Variants in ZFYVE9 observed in about 807,000 individuals in gnomAD.
The protein encoded by ZFYVE9 is zinc finger FYVE-type containing 9, also known as zinc finger FYVE domain-containing protein 9.
ZFYVE9 carries 43 observed loss-of-function variants against 126.7 expected under a neutral mutation model. The observed-to-expected ratio is 0.34, with a 90% CI of 0.27 to 0.44. The LOEUF (loss-of-function observed/expected upper bound fraction) is 0.44, where lower values mean the gene tolerates loss of function less well. Ranked by LOEUF, ZFYVE9 falls within the 20% of genes least tolerant of loss-of-function variation. The pLI, the probability that ZFYVE9 is intolerant of heterozygous loss-of-function variation, is 1.00. For synonymous variants in ZFYVE9, 521 were observed against 597.4 expected, an observed-to-expected ratio of 0.87 and a Z score of 1.87; for missense variants, 1,476 against 1,697.0, an observed-to-expected ratio of 0.87 and a Z score of 2.29.
chr1:52,314,543 T>A (rs1427821257), intron 13 of ZFYVE9, among the ~76,000 whole-genome samples: 1 of 152,064 alleles, frequency 6.6e-6, no homozygotes, highest in African/African-American at 2.4e-5. Context: ...GTACGCCAGG[T>A]GCTGTGGCTC....
intron 7 of ZFYVE9, among the ~76,000 whole-genome samples, chr1:52,268,852 C>T (rs781310805): frequency 6.6e-6 from 1 of 152,200 alleles, no homozygotes; most frequent in Non-Finnish European, 1.5e-5. Context: ...GAAGATTGTT[C>T]TCAGATGAGC....
chr1:52,168,297 A>T (rs999414080), intron 1 of ZFYVE9, among the ~76,000 whole-genome samples: 1 of 144,516 alleles, frequency 6.9e-6, no homozygotes, highest in Non-Finnish European at 1.5e-5. Context: ...GCTTACTGCA[A>T]CCTCTGCTGC....
intron 1 of ZFYVE9, among the ~76,000 whole-genome samples, chr1:52,155,863 C>T (rs1230826744): frequency 6.6e-6 from 1 of 152,138 alleles, no homozygotes; most frequent in Non-Finnish European, 1.5e-5. Context: ...TTGTCTTTTG[C>T]TTTGGAGGGG....
intron 13 of ZFYVE9, among the ~76,000 whole-genome samples, chr1:52,313,305 G>C (rs1283755249): frequency 6.6e-6 from 1 of 152,024 alleles, no homozygotes; most frequent in Non-Finnish European, 1.5e-5. Context: ...AAAGATAATG[G>C]GCAGAGAAGG....
chr1:52,288,700 A>G (rs1457426465), intron 10 of ZFYVE9, among the ~76,000 whole-genome samples: 1 of 152,120 alleles, frequency 6.6e-6, no homozygotes, highest in Non-Finnish European at 1.5e-5. Flanking sequence ...GCAGGCAGGC[A>G]GATCACTTGA....
chr1:52,343,066 C>A (rs1395803155), intron 17 of ZFYVE9, among the ~76,000 whole-genome samples: 5 of 151,902 alleles, frequency 3.3e-5, no homozygotes, highest in African/African-American at 1.2e-4. Flanking sequence ...GCCACCACGC[C>A]CGGCTAATTT....
At chr1:52,245,819 C>G (rs1229368449) in intron 4 of ZFYVE9, among the ~76,000 whole-genome samples, 3 of 152,194 alleles carry the variant, frequency 2.0e-5, no homozygotes, top group Admixed American at 6.5e-5. Flanking sequence ...AACTCATGCT[C>G]TTTCCCATAA....
At chr1:52,328,294 G>A (rs945859919) in intron 13 of ZFYVE9, among the ~76,000 whole-genome samples, 1 of 152,188 alleles carries the variant, frequency 6.6e-6, no homozygotes, top group African/African-American at 2.4e-5. Flanking sequence ...CTTGAACTAT[G>A]GTGAAAATAG....
At chr1:52,259,853 A>G (rs965028004) in intron 4 of ZFYVE9, among the ~76,000 whole-genome samples, 2 of 152,076 alleles carry the variant, frequency 1.3e-5, no homozygotes, top group African/African-American at 4.8e-5. Flanking sequence ...CAACTTGACT[A>G]TATTTTTCTT....
At chr1:52,168,417 G>A (rs1233839564) in intron 1 of ZFYVE9, among the ~76,000 whole-genome samples, 1 of 151,470 alleles carries the variant, frequency 6.6e-6, no homozygotes, top group Non-Finnish European at 1.5e-5. Context: ...GGGTTTCACC[G>A]TATTGGTCAG....
At chr1:52,154,115 T>G (rs962277887) in intron 1 of ZFYVE9, among the ~76,000 whole-genome samples, 1 of 152,224 alleles carries the variant, frequency 6.6e-6, no homozygotes, top group Admixed American at 6.5e-5. Context: ...GTGATTCCCT[T>G]GGCTGGATTC....
At chr1:52,263,737 A>G in intron 4 of ZFYVE9, 36 bp from the exon 5 acceptor site, 1 of 1,143,532 alleles carries the variant, frequency 8.7e-7, no homozygotes, top group Non-Finnish European at 1.3e-6. Context: ...AATCCCAAGT[A>G]AATTTTGTGT....
intron 1 of ZFYVE9, among the ~76,000 whole-genome samples, chr1:52,167,618 G>A (rs185304432): frequency 5.3e-5 from 8 of 152,182 alleles, no homozygotes; most frequent in Admixed American, 4.6e-4. Flanking sequence ...CCACACTTTG[G>A]TTACAGGACA....
At chr1:52,264,736 C>T (rs1235966131) in intron 5 of ZFYVE9, among the ~76,000 whole-genome samples, 1 of 152,172 alleles carries the variant, frequency 6.6e-6, no homozygotes, top group Admixed American at 6.5e-5. Flanking sequence ...CTGCTCTGTC[C>T]GTCTGCATTG....
chr1:52,297,254 T>A (rs568750813), intron 12 of ZFYVE9, among the ~76,000 whole-genome samples: 2 of 151,558 alleles, frequency 1.3e-5, no homozygotes. Context: ...TTTTTTTTTT[T>A]TTTTTGGAGA....
At chr1:52,287,122 CTG>C (rs1320659898) in intron 10 of ZFYVE9, among the ~76,000 whole-genome samples, 1 of 151,990 alleles carries the variant, frequency 6.6e-6, no homozygotes, top group African/African-American at 2.4e-5. Flanking sequence ...CAGAGTCTCG[CTG>C]TGTCGCCCGG....
At chr1:52,175,516 G>T (rs541694153) in intron 1 of ZFYVE9, among the ~76,000 whole-genome samples, 2,759 of 149,622 alleles carry the variant, frequency 0.018, 85 homozygotes, top group African/African-American at 0.064. Flanking sequence ...TATCTTTGTG[G>T]CGTTCTCTGT....
chr1:52,152,434 A>C (rs1644366262), intron 1 of ZFYVE9, among the ~76,000 whole-genome samples: 1 of 152,192 alleles, frequency 6.6e-6, no homozygotes, highest in Admixed American at 6.5e-5. Flanking sequence ...CTCTCAGATG[A>C]TAGGCCCTGA....
chr1:52,160,544 G>T (rs761993149), intron 1 of ZFYVE9: 1 of 769,168 alleles, frequency 1.3e-6, no homozygotes, highest in Non-Finnish European at 2.4e-6. Context: ...CTTGTGACAC[G>T]CCTCAAGTGC....
Sources: allele counts gnomAD v4.1 joint callset (sites outside exome capture counted in the v4.1 genomes callset), GRCh38; gene constraint gnomAD v4.1.1; transcripts MANE v1.5; gene names NCBI Gene and HGNC (gene_info 2026-07-23, HGNC 2026-07-21).